Variants in ARHGAP30 observed in about 807,000 individuals in gnomAD.
ARHGAP30 encodes the protein Rho GTPase activating protein 30, also known as rho GTPase-activating protein 30.
In ARHGAP30, 23 loss-of-function variants were observed where a neutral mutation model predicts 72.0. The observed-to-expected ratio is 0.32, with a 90% CI of 0.23 to 0.45. The LOEUF is 0.45. ARHGAP30 is among the 20% of genes least tolerant of loss of function. The probability of loss-of-function intolerance (pLI) is 1.00; values close to 1 mark genes in which losing one functional copy is unlikely to be tolerated. For synonymous variants in ARHGAP30, 576 were observed against 528.2 expected (o/e 1.09, Z -1.24); for missense variants, 1,319 against 1,383.4 (o/e 0.95, Z 0.74).
rs767446560 is a variant in ARHGAP30, at chr1:161,052,695, A to G, written c.767T>C (p.Ile256Thr). The change falls in exon 7 of 12, where the codon ATA (isoleucine) becomes ACA (threonine). Residue 256 changes from isoleucine (I) to threonine (T), a missense_variant. Physicochemically the swap from Ile to Thr is moderately conservative, Grantham distance 89. Around this residue, in one of 2 missense-constraint regions of ARHGAP30, gnomAD observed 222 missense variants for 338.2 expected, o/e 0.66. Coordinates refer to ENST00000368013, the MANE Select transcript of ARHGAP30 (RefSeq NM_001025598.2). ...PRPLPYHLPS[I>T]LQAGDGPPQM... ...TGGGGGTCCATCGCCAGCCTGCAGT[A>G]TGCTAGGCAGGTGATAAGGCAGTGG... 18 of 1,613,350 alleles carry G rather than the reference A, an allele frequency of 1.1e-5. No homozygotes were observed. The highest frequency in any genetic ancestry group is 2.7e-5 in the African/African-American group (2 of 74,876).
Position 161,049,565 on chromosome 1 carries a change from G to A in ARHGAP30, c.1545C>T (p.Asp515=). 1.2e-6 allele frequency: 2 copies of A among 1,614,132 alleles called. No individual in the cohort carries two copies. Among genetic ancestry groups the A allele is most frequent in the Non-Finnish European group, 1.7e-6 (2 of 1,180,014 alleles). The change falls in exon 11 of 12, where the codon GAC becomes GAT. Residue 515 remains aspartate, a synonymous_variant. Transcript: ENST00000368013. The part of the protein sequence containing the change: ...EVQDSFSFLE[D]SSSSEPEWVG... ...CCCACTCAGGTTCTGAGCTGCTTGA[G>A]TCCTCTAGGAAGGAGAAGGAGTCCT...
intron 5 of ARHGAP30, 50 bp from the exon 6 acceptor site, chr1:161,053,435 A>G (rs372086136): frequency 6.5e-7 from 1 of 1,547,880 alleles, no homozygotes; most frequent in Non-Finnish European, 8.8e-7. Context: ...AAACTTCCCA[A>G]TCCAGATTCT....
In ARHGAP30 at chr1:161,048,146, C is replaced by T. The variant is rs1478051612; in HGVS notation, c.2875G>A (p.Val959Met). ...CTCGGGCATGGATTTGCAGGTGCCA[C>T]ATGAATCTTGCTACACATTGCACTG... ...MPSAMCSKIH[V>M]APANPCPRPG... is the part of the protein sequence containing the mutation. The change falls in exon 12 of 12, where the codon GTG (valine) becomes ATG (methionine). Residue 959 changes from valine to methionine, a missense_variant. Around this residue, in one of 2 missense-constraint regions of ARHGAP30, gnomAD observed 1,097 missense variants for 1,045.2 expected, o/e 1.05. Transcript: ENST00000368013. 1 of 1,614,206 alleles carries T rather than the reference C, an allele frequency of 6.2e-7. No homozygotes were observed. Among genetic ancestry groups the T allele is most frequent in the African/African-American group, 1.3e-5 (1 of 75,058 alleles).
chr1:161,049,712 A>C (rs1192893001), intron 10 of ARHGAP30, 23 bp from the exon 11 acceptor site: 2 of 1,605,600 alleles, frequency 1.2e-6, no homozygotes, highest in Admixed American at 3.4e-5. Context: ...AAGTAGTCCC[A>C]GGAATACAAA....
intron 1 of ARHGAP30, 106 bp from the exon 2 acceptor site, chr1:161,059,822 C>T (rs905901760): frequency 8.5e-5 from 78 of 921,090 alleles, no homozygotes; most frequent in Non-Finnish European, 2.1e-5. Context: ...ACGAGCAAAG[C>T]TCATGGAATA....
Position 161,049,025 on chromosome 1 carries a change from C to T in ARHGAP30, c.1996G>A (p.Gly666Arg), listed in dbSNP as rs1237782190. 1 of 1,613,924 alleles carries T rather than the reference C, an allele frequency of 6.2e-7. No homozygotes were observed. Among genetic ancestry groups the T allele is most frequent in the African/African-American group, 1.3e-5 (1 of 74,900 alleles). Residue 666 changes from glycine to arginine, a missense_variant, in exon 12 of 12, where the codon GGA becomes AGA. Gly to Arg is a moderately radical substitution (Grantham distance 125). Around this residue, in one of 2 missense-constraint regions of ARHGAP30, gnomAD observed 1,097 missense variants for 1,045.2 expected, o/e 1.05. Coordinates refer to ENST00000368013, the MANE Select transcript of ARHGAP30 (RefSeq NM_001025598.2). ...TCTTCCCTGATGTCTAGCCTGCCTC[C>T]AGGCTCAGCCTGCTTGTCCTCCCCA... The part of the protein sequence containing the change: ...EVGEDKQAEP[G>R]GRLDIREEAE...
chr1:161,056,134 T>C (rs1651862984), intron 3 of ARHGAP30, among the ~76,000 whole-genome samples: 2 of 152,012 alleles, frequency 1.3e-5, no homozygotes, highest in African/African-American at 4.8e-5. Context: ...CACTGTGCTG[T>C]GTGCAATCTT....
chr1:161,059,320 C>T (rs905947351), intron 2 of ARHGAP30, among the ~76,000 whole-genome samples: 1 of 147,632 alleles, frequency 6.8e-6, no homozygotes, highest in Non-Finnish European at 1.5e-5. Flanking sequence ...TGAGCCACCG[C>T]GCCTGGCTCA....
intron 1 of ARHGAP30, among the ~76,000 whole-genome samples, chr1:161,065,239 G>A (rs1011763922): frequency 1.3e-5 from 2 of 152,096 alleles, no homozygotes; most frequent in Non-Finnish European, 2.9e-5. Flanking sequence ...GCCTCCTAAA[G>A]TGCTGGGATT....
At chr1:161,055,823 AAAAT>A (rs1182351421) in intron 3 of ARHGAP30, among the ~76,000 whole-genome samples, 1 of 54,496 alleles carries the variant, frequency 1.8e-5, no homozygotes, top group Non-Finnish European at 4.0e-5. Flanking sequence ...AAAATAAAAT[AAAAT>A]AAAATAAAAT....
Position 161,069,616 on chromosome 1 carries a change from A to T in ARHGAP30, c.9T>A (p.Ser3=). The change falls in exon 1 of 12, where the codon TCT becomes TCA. Residue 3 remains serine (S), a synonymous_variant. Transcript: ENST00000368013. This position sits in a 1 kb window ranked among gnomAD's most constrained non-coding sequence, Gnocchi z 4.9. ...TGCCCTTCTTCTTTCCTTTCTGCCG[A>T]GACTTCATGGCCAGAGCCCCAGGGC... MK[S]RQKGKKKGSA... 1 of 1,609,928 alleles carries T rather than the reference A, an allele frequency of 6.2e-7. No homozygotes were observed. Among genetic ancestry groups the T allele is most frequent in the Non-Finnish European group, 8.5e-7 (1 of 1,179,984 alleles).
At chr1:161,055,788 TTAAAATAAAATAAAATA>T (rs763361539) in intron 3 of ARHGAP30, among the ~76,000 whole-genome samples, 70,458 of 115,294 alleles carry the variant, frequency 0.61, 19,434 homozygotes, top group Middle Eastern at 0.68. Context: ...CATCTTAAAA[TTAAAATAAAATAAAATA>T]ATAAAATAAA....
At chr1:161,059,821 G>T in intron 1 of ARHGAP30, 105 bp from the exon 2 acceptor site, 1 of 926,302 alleles carries the variant, frequency 1.1e-6, no homozygotes, top group Non-Finnish European at 1.6e-6. Flanking sequence ...GACGAGCAAA[G>T]CTCATGGAAT....
At position 161,054,422 on chromosome 1, in the gene ARHGAP30, G is replaced by C; in HGVS notation, c.480C>G (p.Ala160=). ...GGTTGCGAGCATGCATGTTGGTCTGGGCACTGAATGAGGCCATGTGTACCA... is the reference window on the plus strand; with the variant it reads ...GGTTGCGAGCATGCATGTTGGTCTGCGCACTGAATGAGGCCATGTGTACCA... ...RHLVHMASFS[A]QTNMHARNLA... Residue 160 remains alanine (A), a synonymous_variant, in exon 5 of 12, where the codon GCC becomes GCG. Coordinates refer to ENST00000368013, the MANE Select transcript of ARHGAP30 (RefSeq NM_001025598.2). The C allele has an allele frequency of 3.7e-6, 6 of 1,614,060 alleles. No individual in the cohort carries two copies. The highest frequency in any genetic ancestry group is 5.1e-6 in the Non-Finnish European group (6 of 1,179,974).
In ARHGAP30 at chr1:161,054,521, C is replaced by A. The variant is rs370335601; in HGVS notation, c.429-48G>T. 2.5e-4 allele frequency: 395 copies of A among 1,604,706 alleles called. 3 individuals carry two copies. The African/African-American group carries it at 4.8e-3, about 20-fold the overall frequency. On this transcript the variant is annotated intron_variant, in intron 4 of 11. Coordinates refer to ENST00000368013, the MANE Select transcript of ARHGAP30 (RefSeq NM_001025598.2). ...TCACACAGGGAATGCCCAGGGCAGG[C>A]ATTAGGGCTGGGACCTGGGAGCAGT... is the stretch of plus-strand genomic sequence containing the variant.
chr1:161,054,247 C>T lies in ARHGAP30; in HGVS notation c.536+119G>A, dbSNP rs1307066837. The T allele has an allele frequency of 1.7e-5, 15 of 892,394 alleles. No homozygotes were observed. In the East Asian group the frequency reaches 3.7e-4, roughly 22 times the overall value. 55.3% of individuals were successfully genotyped at this position (892,394 alleles called of 1,614,324 possible). ...TCTTGAACCTTCTTTTCTCACTGGGCTTTGTGAGCCCTACACCCTTCTCCA... is the reference window on the plus strand; with the variant it reads ...TCTTGAACCTTCTTTTCTCACTGGGTTTTGTGAGCCCTACACCCTTCTCCA... On this transcript the variant is annotated intron_variant, in intron 5 of 11. Transcript: ENST00000368013.
intron 1 of ARHGAP30, among the ~76,000 whole-genome samples, chr1:161,064,783 GA>G (rs1362638819): frequency 1.7e-5 from 1 of 60,388 alleles, no homozygotes; most frequent in Non-Finnish European, 3.0e-5. Flanking sequence ...GAAAGAAAAA[GA>G]AAGAAAGAAA....
Position 161,049,302 on chromosome 1 carries a change from A to G in ARHGAP30, c.1719T>C (p.Asp573=), listed in dbSNP as rs1163893227. ...ACTGTGCCTCATCCAGAGACAGGTCATCCAGGGGTGGCTCCACAGAGAACT... is the reference window on the plus strand; with the variant it reads ...ACTGTGCCTCATCCAGAGACAGGTCGTCCAGGGGTGGCTCCACAGAGAACT... The part of the protein sequence containing the change: ...VEEFSVEPPL[D]DLSLDEAQFV... The change falls in exon 12 of 12, where the codon GAT becomes GAC. Residue 573 remains aspartate, a synonymous_variant. Coordinates refer to ENST00000368013, the MANE Select transcript of ARHGAP30 (RefSeq NM_001025598.2). 1 of 1,613,942 alleles carries G rather than the reference A, an allele frequency of 6.2e-7. No individual in the cohort carries two copies. Among genetic ancestry groups the G allele is most frequent in the South Asian group, 1.1e-5 (1 of 91,078 alleles).
Position 161,048,288 on chromosome 1 carries a change from G to C in ARHGAP30, c.2733C>G (p.Cys911Trp), listed in dbSNP as rs143839762. The stretch of plus-strand genomic sequence containing the variant: ...CGCCACCCAGGCCAAGAGAACAGGG[G>C]CATAGACAGCCGTCTGGACTGGGCT... ...EGQPSPDGCL[C>W]PCSLGLGGVG... is the part of the protein sequence containing the mutation. The change falls in exon 12 of 12, where the codon TGC (cysteine) becomes TGG (tryptophan). Residue 911 changes from cysteine to tryptophan, a missense_variant. Cys to Trp is a radical substitution (Grantham distance 215). This residue lies in a region of ARHGAP30 where 1,097 missense variants were observed against 1,045.2 expected (regional missense o/e 1.05). Coordinates refer to ENST00000368013, the MANE Select transcript of ARHGAP30 (RefSeq NM_001025598.2). 1 of 1,614,174 alleles carries C rather than the reference G, an allele frequency of 6.2e-7. No homozygotes were observed. The highest frequency in any genetic ancestry group is 8.5e-7 in the Non-Finnish European group (1 of 1,180,008).
Sources: allele counts gnomAD v4.1 joint callset (sites outside exome capture counted in the v4.1 genomes callset), GRCh38; gene constraint gnomAD v4.1.1; regional missense constraint gnomAD v4.1.1; non-coding constraint Gnocchi (gnomAD v3.1); transcripts MANE v1.5; gene names NCBI Gene and HGNC (gene_info 2026-07-23, HGNC 2026-07-21).